The following DLGAP2 variants were observed in gnomAD, a reference collection of about 807,000 sequenced individuals.
DLGAP2 encodes disks large-associated protein 2.
A neutral mutation model predicts 100.3 loss-of-function variants in DLGAP2; 26 were observed. The observed-to-expected ratio is 0.26, with a 90% CI of 0.19 to 0.36. DLGAP2 has a LOEUF of 0.36. DLGAP2 is among the 10% of genes least tolerant of loss of function. The pLI is 1.00. For synonymous variants in DLGAP2, 886 were observed against 630.1 expected, an observed-to-expected ratio of 1.41 and a Z score of -6.08; for missense variants, 1,858 against 1,453.2, an observed-to-expected ratio of 1.28 and a Z score of -4.53.
At chr8:892,360 G>A (rs1798052701) in intron 1 of DLGAP2, among the ~76,000 whole-genome samples, 1 of 152,190 alleles carries the variant, frequency 6.6e-6, no homozygotes, top group Non-Finnish European at 1.5e-5. Context: ...CCGAACATGA[G>A]TCAGCCTCAA....
At position 946,421 on chromosome 8, in the gene DLGAP2, G is replaced by A. The variant is rs534042955; in HGVS notation, c.73+38455G>A. 1.4e-3 allele frequency among the ~76,000 whole-genome samples: 212 copies of A among 152,080 alleles called. 1 individual carries two copies. The highest frequency in any genetic ancestry group is 5.0e-3 in the African/African-American group (208 of 41,494). On this transcript the variant is annotated intron_variant, in intron 2 of 14. Transcript: ENST00000637795. ...TGGGACTACAGGCGCCCGCCACCAC[G>A]CCCGGCTAATTTTTTGTAGTTTTTG...
intron 4 of DLGAP2, among the ~76,000 whole-genome samples, chr8:1,515,242 C>G (rs890681120): frequency 2.6e-5 from 4 of 152,164 alleles, no homozygotes; most frequent in African/African-American, 9.7e-5. Flanking sequence ...GTTTCAGGGC[C>G]AAGGTGTCTT....
At chr8:1,637,135 C>A (rs1003659752) in intron 8 of DLGAP2, among the ~76,000 whole-genome samples, 1 of 152,180 alleles carries the variant, frequency 6.6e-6, no homozygotes, top group South Asian at 2.1e-4. Flanking sequence ...GCAGCCTTTC[C>A]AGGTCCACAT....
At chr8:1,289,302 A>G (rs1471109956) in intron 3 of DLGAP2, among the ~76,000 whole-genome samples, 1 of 152,246 alleles carries the variant, frequency 6.6e-6, no homozygotes, top group East Asian at 1.9e-4. Context: ...TTATTTGACC[A>G]AATTGGAGGA....
At chr8:1,215,102 G>C (rs1372446767) in intron 2 of DLGAP2, among the ~76,000 whole-genome samples, 1 of 152,202 alleles carries the variant, frequency 6.6e-6, no homozygotes, top group Non-Finnish European at 1.5e-5. Context: ...GTCGTCAAGT[G>C]AGGAACTTTG....
intron 2 of DLGAP2, among the ~76,000 whole-genome samples, chr8:1,092,289 C>T (rs973874088): frequency 5.3e-5 from 8 of 152,212 alleles, no homozygotes; most frequent in South Asian, 4.1e-4. Flanking sequence ...TCCACTGTGC[C>T]GGGCTGGCAC....
At chr8:1,392,649 G>T (rs538977217) in intron 3 of DLGAP2, among the ~76,000 whole-genome samples, 6 of 152,190 alleles carry the variant, frequency 3.9e-5, no homozygotes, top group Non-Finnish European at 7.3e-5. Context: ...GGGGAGTCCC[G>T]TGGGCCTGGG....
At position 1,307,861 on chromosome 8, in the gene DLGAP2, G is replaced by A. The variant is rs185005613; in HGVS notation, c.106+48978G>A. Among the ~76,000 whole-genome samples the A allele has an allele frequency of 1.1e-3, 163 of 152,308 alleles. 1 individual carries two copies. Among genetic ancestry groups the A allele is most frequent in the Admixed American group, 4.0e-3 (61 of 15,296 alleles). ...TAGAAAGGAGGCTGCCGGGGACTGG[G>A]CGCTGGAGGGAAGGAGAACTAGGTA... is the stretch of plus-strand genomic sequence containing the variant. On this transcript the variant is annotated intron_variant, in intron 3 of 14. Coordinates refer to ENST00000637795, the MANE Select transcript of DLGAP2 (RefSeq NM_001346810.2).
chr8:1,364,430 C>A (rs1267523370), intron 3 of DLGAP2, among the ~76,000 whole-genome samples: 1 of 151,520 alleles, frequency 6.6e-6, no homozygotes, highest in East Asian at 2.0e-4. Flanking sequence ...TCCACCCCGA[C>A]CTTCAGGAAC....
intron 2 of DLGAP2, among the ~76,000 whole-genome samples, chr8:1,076,990 C>G (rs2701933): frequency 0.34 from 47,388 of 140,836 alleles, 8,352 homozygotes; most frequent in Middle Eastern, 0.38. Context: ...CCCGGGCCCC[C>G]CCAAGACCAA....
chr8:1,207,083 G>A (rs7842790), intron 2 of DLGAP2, among the ~76,000 whole-genome samples: 107,919 of 151,874 alleles, frequency 0.71, 39,367 homozygotes, highest in East Asian at 0.88. Context: ...ACCTAAATCT[G>A]CAATTCTTCC....
chr8:1,019,101 T>TGCCAGCCAC (rs923669334), intron 2 of DLGAP2: 10 of 152,202 alleles, frequency 6.6e-5, no homozygotes, highest in African/African-American at 1.7e-4. Flanking sequence ...TCATGCACCA[T>TGCCAGCCAC]GCCAGCCACG....
chr8:856,864 C>G lies in DLGAP2; in HGVS notation c.19-51048C>G, dbSNP rs181992942. Among the ~76,000 whole-genome samples, 482 of 152,290 alleles carry G rather than the reference C, an allele frequency of 3.2e-3. 11 individuals carry two copies. Among genetic ancestry groups the G allele is most frequent in the Non-Finnish European group, 3.7e-4 (25 of 68,042 alleles). On this transcript the variant is annotated intron_variant, in intron 1 of 14. Transcript: ENST00000637795. ...TCCCAGCATGTTATTTTGTGGATAT[C>G]AACAAATTGATCCTAAAGGTTACAT...
At position 1,696,589 on chromosome 8, in the gene DLGAP2, G is replaced by A. The variant is rs756936228; in HGVS notation, c.2797-558G>A. On this transcript the variant is annotated intron_variant, in intron 13 of 14. Coordinates refer to ENST00000637795, the MANE Select transcript of DLGAP2 (RefSeq NM_001346810.2). ...AACCAAGCACGTCTCTGGGCCACTC[G>A]GCCCAGGGCTGCAGCCCAGCAGCGT... Among the ~76,000 whole-genome samples, 6 of 152,196 alleles carry A rather than the reference G, an allele frequency of 3.9e-5. No homozygotes were observed. The South Asian group carries it at 6.2e-4, about 16-fold the overall frequency.
chr8:1,421,890 C>A lies in DLGAP2; in HGVS notation c.107-79476C>A, dbSNP rs555733970. Among the ~76,000 whole-genome samples the A allele has an allele frequency of 2.6e-5, 4 of 152,108 alleles. No individual in the cohort carries two copies. The South Asian group carries it at 8.3e-4, about 32-fold the overall frequency. On this transcript the variant is annotated intron_variant, in intron 3 of 14. Transcript: ENST00000637795. ...CTGAGGCAGGAGAATCACTTGAACC[C>A]GGGAGGTGGAGGTTGCAGTGAGCCG... is the stretch of plus-strand genomic sequence containing the variant.
Position 1,549,004 on chromosome 8 carries a change from A to G in DLGAP2, c.551A>G (p.Lys184Arg). 5.0e-6 allele frequency: 8 copies of G among 1,599,224 alleles called. No homozygotes were observed. Among genetic ancestry groups the G allele is most frequent in the Non-Finnish European group, 6.8e-6 (8 of 1,178,754 alleles). ...DDCAVAHAGA[K>R]INRIPANLLD... is the part of the protein sequence containing the mutation. Reference sequence around the variant, plus strand: ...TGCGCTGTGGCCCACGCGGGCGCCAAGATCAACCGCATCCCGGCCAACCTG... The same window carrying G: ...TGCGCTGTGGCCCACGCGGGCGCCAGGATCAACCGCATCCCGGCCAACCTG... Residue 184 changes from lysine (K) to arginine (R), a missense_variant, in exon 5 of 15, where the codon AAG (lysine) becomes AGG (arginine). Physicochemically the swap from Lys to Arg is conservative, Grantham distance 26 (BLOSUM62 2). Transcript: ENST00000637795.
intron 7 of DLGAP2, among the ~76,000 whole-genome samples, chr8:1,630,720 T>G (rs1797620538): frequency 6.6e-6 from 1 of 151,854 alleles, no homozygotes; most frequent in South Asian, 2.1e-4. Flanking sequence ...AAAAAAAGTT[T>G]GCCCTTCATG....
chr8:995,937 C>T (rs1338416637), intron 2 of DLGAP2, among the ~76,000 whole-genome samples: 1 of 152,130 alleles, frequency 6.6e-6, no homozygotes, highest in Non-Finnish European at 1.5e-5. Flanking sequence ...TTTTCTTTGG[C>T]TGTAGTGCAG....
At chr8:1,382,924 CGTGTGTGTGT>C (rs148803226) in intron 3 of DLGAP2, among the ~76,000 whole-genome samples, 1 of 150,836 alleles carries the variant, frequency 6.6e-6, no homozygotes, top group Non-Finnish European at 1.5e-5. Context: ...TGTGTGTGTG[CGTGTGTGTGT>C]GTGTAGAGAG....
Sources: gnomAD v4.1 joint callset for allele counts (sites outside exome capture counted in the v4.1 genomes callset) on GRCh38, gnomAD v4.1.1 for gene constraint, MANE v1.5 for transcripts, NCBI Gene and HGNC (gene_info 2026-07-23, HGNC 2026-07-21) for gene names.